The following CST3 variants were observed in gnomAD, a reference collection of about 807,000 sequenced individuals.
CST3 encodes cystatin C.
Under a neutral mutation model 9.0 loss-of-function variants are expected in CST3, and 14 were observed. The observed-to-expected ratio is 1.56, with a 90% CI of 1.03 to 2.44. CST3 has a LOEUF of 2.44. Among genes scored for constraint, CST3 ranks in the 30% most tolerant of loss-of-function variants. The pLI is 0.00. For missense variants in CST3, 237 were observed against 204.3 expected, an observed-to-expected ratio of 1.16 and a Z score of -0.98; for synonymous variants, 96 against 90.2, an observed-to-expected ratio of 1.06 and a Z score of -0.37.
chr20:23,637,755 C>T lies in CST3; in HGVS notation c.108G>A (p.Val36=). 2 of 1,536,740 alleles carry T rather than the reference C, an allele frequency of 1.3e-6. No individual in the cohort carries two copies. The highest frequency in any genetic ancestry group is 1.2e-5 in the South Asian group (1 of 82,458). Residue 36 remains valine, a synonymous_variant, in exon 1 of 3, where the codon GTG becomes GTA. Coordinates refer to ENST00000376925, the MANE Select transcript of CST3 (RefSeq NM_000099.4). ...CCACGCTGGCGTCCATGGGGCCTCC[C>T]ACTAGGCGCGGCGGCTTGCCGGGAC... The part of the protein sequence containing the change: ...GSSPGKPPRL[V]GGPMDASVEE...
downstream of CST3, chr20:23,632,235 A>G (rs570837128): frequency 3.3e-5 from 5 of 152,384 alleles, no homozygotes; most frequent in African/African-American, 1.2e-4. Context: ...AGTGTGTCAG[A>G]AAAGGCACTG....
chr20:23,635,702 T>C (rs1568704929), intron 1 of CST3, among the ~76,000 whole-genome samples: 1 of 152,250 alleles, frequency 6.6e-6, no homozygotes, highest in Non-Finnish European at 1.5e-5. Context: ...TTCCAGTTCC[T>C]GGCATTCAGT....
At chr20:23,636,054 A>T in intron 1 of CST3, among the ~76,000 whole-genome samples, 1 of 152,160 alleles carries the variant, frequency 6.6e-6, no homozygotes, top group East Asian at 1.9e-4. Context: ...TAGAAGCACA[A>T]GCAAGGCCTG....
At chr20:23,631,926 TGTAAAA>T (rs994930122), downstream of CST3, 2 of 152,202 alleles carry the variant, frequency 1.3e-5, no homozygotes, top group African/African-American at 4.8e-5. Context: ...TTAAAATAAA[TGTAAAA>T]GTAACTCTTG....
At chr20:23,633,417 C>T (rs572736431), downstream of CST3, among the ~76,000 whole-genome samples, 1 of 152,288 alleles carries the variant, frequency 6.6e-6, no homozygotes, top group South Asian at 2.1e-4. Context: ...CCTCCTCTCC[C>T]TGACCCCCTC....
At chr20:23,636,151 G>A (rs950469463) in intron 1 of CST3, among the ~76,000 whole-genome samples, 3 of 152,184 alleles carry the variant, frequency 2.0e-5, no homozygotes, top group Non-Finnish European at 4.4e-5. Context: ...CTCCCAGTGA[G>A]AGAGAGGTGC....
In CST3 at chr20:23,633,672, T is replaced by G. The variant is rs1013883970; in HGVS notation, c.*244A>C. The stretch of plus-strand genomic sequence containing the variant: ...CTCAGAGGGAGCCGATGCTACTATT[T>G]TATTGCAGGAGGTGGGGGTGTATGC... On this transcript the variant is annotated 3_prime_UTR_variant, in exon 3 of 3. Coordinates refer to ENST00000376925, the MANE Select transcript of CST3 (RefSeq NM_000099.4). The G allele has an allele frequency of 1.5e-5, 9 of 610,730 alleles. No individual in the cohort carries two copies. Among genetic ancestry groups the G allele is most frequent in the African/African-American group, 3.7e-5 (2 of 54,442 alleles). 37.8% of individuals were successfully genotyped at this position (610,730 alleles called of 1,614,324 possible).
At chr20:23,634,116 T>C (rs1176422300) in intron 2 of CST3, 117 bp from the exon 3 acceptor site, 2 of 810,486 alleles carry the variant, frequency 2.5e-6, no homozygotes, top group Non-Finnish European at 4.2e-6. Flanking sequence ...ACTGGGCCCT[T>C]ATCTACCCCT....
chr20:23,630,833 T>G (rs546886537), downstream of CST3, among the ~76,000 whole-genome samples: 1 of 149,910 alleles, frequency 6.7e-6, no homozygotes, highest in East Asian at 1.9e-4. Context: ...AGTCTATCAG[T>G]AAAGACTAGA....
Position 23,633,871 on chromosome 20 carries a change from G to A in CST3, c.*45C>T, listed in dbSNP as rs975010636. On this transcript the variant is annotated 3_prime_UTR_variant, in exon 3 of 3. Coordinates refer to ENST00000376925, the MANE Select transcript of CST3 (RefSeq NM_000099.4). ...GGGGTGGGAATACAGGGGGTGGGAG[G>A]TGTGCATAAGAGGTGATAGGCACAG... The A allele has an allele frequency of 1.4e-6, 2 of 1,479,794 alleles. No homozygotes were observed. The highest frequency in any genetic ancestry group is 1.4e-5 in the African/African-American group (1 of 72,064). The allele number at this position is 1,479,794 out of a possible 1,614,324, so 91.7% of individuals were successfully genotyped here. A position where few individuals can be genotyped will look rare whatever the true frequency, so the allele number is the denominator to read the frequency against.
At chr20:23,630,244 C>T (rs2424576), downstream of CST3, among the ~76,000 whole-genome samples, 81,829 of 152,006 alleles carry the variant, frequency 0.54, 23,410 homozygotes, top group East Asian at 0.66. Flanking sequence ...TCCCCAGTGA[C>T]GCCATGTACA....
intron 1 of CST3, 96 bp downstream of exon 1, chr20:23,637,524 G>A: frequency 1.6e-6 from 2 of 1,221,560 alleles, no homozygotes; most frequent in Non-Finnish European, 2.1e-6. Flanking sequence ...AGAAGCCCAG[G>A]CGCCGGAGAG....
chr20:23,634,066 G>T, intron 2 of CST3, 67 bp from the exon 3 acceptor site: 1 of 1,303,668 alleles, frequency 7.7e-7, no homozygotes, highest in Non-Finnish European at 1.1e-6. Flanking sequence ...GCCCAGGCAC[G>T]GGACATCAGA....
chr20:23,634,318 G>C (rs1979572854), intron 2 of CST3, among the ~76,000 whole-genome samples: 1 of 152,162 alleles, frequency 6.6e-6, no homozygotes, highest in South Asian at 2.1e-4. Context: ...GGCAGGGGGA[G>C]GCAGCTCACT....
At chr20:23,630,989 A>C (rs17758072), downstream of CST3, among the ~76,000 whole-genome samples, 914 of 152,270 alleles carry the variant, frequency 6.0e-3, 42 homozygotes, top group East Asian at 0.12. Flanking sequence ...GTATTCTAAA[A>C]TGAAAGGCTC....
downstream of CST3, chr20:23,632,027 T>A: frequency 6.6e-6 from 1 of 152,266 alleles, no homozygotes; most frequent in Non-Finnish European, 1.5e-5. Context: ...TCTGGCTCAC[T>A]GGCCTCATGG....
intron 1 of CST3, among the ~76,000 whole-genome samples, chr20:23,637,177 A>T (rs1457783169): frequency 1.3e-5 from 2 of 152,242 alleles, no homozygotes; most frequent in Non-Finnish European, 2.9e-5. Flanking sequence ...TTACGGGAGA[A>T]TAAAAAGTTA....
At chr20:23,628,049 G>T (rs576013573) in exon 4 of CST3, 1 of 151,820 alleles carries the variant, frequency 6.6e-6, no homozygotes, top group African/African-American at 2.4e-5. Flanking sequence ...CCTATCATGT[G>T]TGTTGTTTTT....
chr20:23,637,463 C>G (rs1979723547), intron 1 of CST3, among the ~76,000 whole-genome samples, 157 bp downstream of exon 1: 1 of 152,310 alleles, frequency 6.6e-6, no homozygotes, highest in Middle Eastern at 3.4e-3. Context: ...CCCGGACACG[C>G]CCGCCAAGGG....
Sources: allele counts gnomAD v4.1 joint callset (sites outside exome capture counted in the v4.1 genomes callset), GRCh38; gene constraint gnomAD v4.1.1; transcripts MANE v1.5; gene names NCBI Gene and HGNC (gene_info 2026-07-23, HGNC 2026-07-21).